LTA: variants seen among roughly 807,000 people sequenced by gnomAD.
The protein encoded by LTA is lymphotoxin-alpha.
Under a neutral mutation model 15.1 loss-of-function variants are expected in LTA, and 6 were observed. The observed-to-expected ratio is 0.40, with a 90% CI of 0.22 to 0.78. LTA has a LOEUF of 0.78. LTA is among the 30% of genes least tolerant of loss of function. The probability of loss-of-function intolerance (pLI) is 0.38; values close to 1 mark genes in which losing one functional copy is unlikely to be tolerated. For missense variants in LTA, 173 were observed against 249.5 expected (o/e 0.69, Z 2.06); for synonymous variants, 87 against 107.3 (o/e 0.81, Z 1.17).
the LTA span, among the ~76,000 whole-genome samples, chr6:31,564,285 A>T: frequency 6.6e-6 from 1 of 151,536 alleles, no homozygotes; most frequent in Non-Finnish European, 1.5e-5. Flanking sequence ...TTTTATTTTT[A>T]TTTTTTTCCT....
chr6:31,564,305 A>T, the LTA span, among the ~76,000 whole-genome samples: 1 of 152,004 alleles, frequency 6.6e-6, no homozygotes, highest in Non-Finnish European at 1.5e-5. Context: ...TCTGAGACGA[A>T]GTCTCGCTCT....
At chr6:31,565,996 G>A in the LTA span, among the ~76,000 whole-genome samples, 1 of 152,146 alleles carries the variant, frequency 6.6e-6, no homozygotes, top group East Asian at 1.9e-4. Context: ...TGCCCAACAT[G>A]ATGAAACCCT....
chr6:31,561,174 A>G, the LTA span, among the ~76,000 whole-genome samples: 11,799 of 152,252 alleles, frequency 0.077, 624 homozygotes, highest in Middle Eastern at 0.12. Flanking sequence ...GTGAGGGAAC[A>G]TGTGATGAAG....
the LTA span, among the ~76,000 whole-genome samples, chr6:31,566,501 A>G: frequency 1.3e-5 from 2 of 151,916 alleles, no homozygotes; most frequent in Non-Finnish European, 2.9e-5. Context: ...TTAGCCAGGC[A>G]TGGTGACATG....
chr6:31,573,805 AC>A lies in LTA; in HGVS notation c.*113del. 8.0e-7 allele frequency: 1 copy of A among 1,249,970 alleles called. No individual in the cohort carries two copies. The highest frequency in any genetic ancestry group is 1.2e-6 in the Non-Finnish European group (1 of 867,678). The allele number at this position is 1,249,970 out of a possible 1,614,324, so 77.4% of individuals were successfully genotyped here. On this transcript the variant is annotated 3_prime_UTR_variant, in exon 4 of 4. Transcript: ENST00000418386. ...CACCACCTCTCCTTTGGCCATTCCA[AC>A]AGCTCAAGTCTTCCCTGATCAAGTC...
At chr6:31,572,692 G>A (rs367844943) in intron 1 of LTA, 42 bp from the exon 2 acceptor site, 110 of 1,472,244 alleles carry the variant, frequency 7.5e-5, no homozygotes, top group African/African-American at 2.8e-4. Context: ...CGCGTGCCCC[G>A]CCCCGCTCAC....
At chr6:31,562,431 G>T in the LTA span, among the ~76,000 whole-genome samples, 4 of 152,102 alleles carry the variant, frequency 2.6e-5, no homozygotes, top group Non-Finnish European at 5.9e-5. Flanking sequence ...GTTCGTTAAG[G>T]GGGCTAGTCT....
chr6:31,561,507 A>T, the LTA span, among the ~76,000 whole-genome samples: 1 of 152,082 alleles, frequency 6.6e-6, no homozygotes, highest in Non-Finnish European at 1.5e-5. Flanking sequence ...CCTGGCCAAC[A>T]TGGTGAAACC....
chr6:31,567,537 T>C (rs1206582215), upstream of LTA, among the ~76,000 whole-genome samples: 1 of 151,520 alleles, frequency 6.6e-6, no homozygotes, highest in East Asian at 1.9e-4. Context: ...CACTCCAGCC[T>C]AGGCCACAGA....
chr6:31,568,520 G>A (rs532113098), upstream of LTA, among the ~76,000 whole-genome samples: 1 of 152,296 alleles, frequency 6.6e-6, no homozygotes, highest in South Asian at 2.1e-4. The surrounding 1 kb of genome is among the most constrained non-coding windows in gnomAD (Gnocchi z 4.1). Flanking sequence ...TAGGGTTGAT[G>A]TTGGTATTAA....
the LTA span, among the ~76,000 whole-genome samples, chr6:31,563,906 C>T: frequency 2.0e-5 from 3 of 152,206 alleles, no homozygotes; most frequent in East Asian, 3.9e-4. Context: ...CGGTGCCCGG[C>T]GGTAAGAGAT....
upstream of LTA, among the ~76,000 whole-genome samples, chr6:31,567,667 C>T (rs1562469873): frequency 3.5e-5 from 4 of 114,684 alleles, no homozygotes; most frequent in South Asian, 3.0e-4. Flanking sequence ...CACACACACA[C>T]ACACACACAC....
upstream of LTA, among the ~76,000 whole-genome samples, chr6:31,571,303 G>T (rs61761347): frequency 2.6e-5 from 4 of 151,966 alleles, no homozygotes; most frequent in Non-Finnish European, 5.9e-5. Flanking sequence ...CAAGTAATCC[G>T]CCCACCTCAG....
At chr6:31,566,288 G>C in the LTA span, among the ~76,000 whole-genome samples, 3 of 152,080 alleles carry the variant, frequency 2.0e-5, no homozygotes, top group Admixed American at 6.5e-5. Flanking sequence ...AGGCTGCAGT[G>C]AGCTATGATG....
intron 1 of LTA, 115 bp downstream of exon 1, chr6:31,572,561 C>T (rs916895699): frequency 3.3e-6 from 2 of 602,806 alleles, no homozygotes; most frequent in Non-Finnish European, 5.9e-6. Context: ...CTTCCTGTCT[C>T]TCTCTGTCTC....
At chr6:31,563,816 C>T in the LTA span, among the ~76,000 whole-genome samples, 2 of 152,106 alleles carry the variant, frequency 1.3e-5, no homozygotes, top group Non-Finnish European at 1.5e-5. Flanking sequence ...CCACATTGGC[C>T]GGGCTGGTCT....
upstream of LTA, among the ~76,000 whole-genome samples, chr6:31,567,061 T>G (rs1429535031): frequency 6.6e-6 from 1 of 151,772 alleles, no homozygotes; most frequent in Non-Finnish European, 1.5e-5. Flanking sequence ...TTTGGGAGGC[T>G]GAGGCAGGCG....
chr6:31,573,241 C>T, intron 3 of LTA, 40 bp from the exon 4 acceptor site: 1 of 1,573,126 alleles, frequency 6.4e-7, no homozygotes, highest in Non-Finnish European at 8.7e-7. Context: ...CTGATCCAGA[C>T]CCCTGATCTC....
In LTA at chr6:31,572,365, G is replaced by A. The variant is rs3093546; in HGVS notation, c.-91G>A. On this transcript the variant is annotated 5_prime_UTR_variant, in exon 1 of 4. Coordinates refer to ENST00000418386, the MANE Select transcript of LTA (RefSeq NM_000595.4). ...GCTTCGTGCTTTGGACTACCGCCCA[G>A]CAGTGTCCTGCCCTCTGCCTGGGCC... The A allele has an allele frequency of 0.033, 11,901 of 361,008 alleles. 290 individuals carry two copies. The highest frequency in any genetic ancestry group is 0.045 in the Non-Finnish European group (8,839 of 196,946). The allele number at this position is 361,008 out of a possible 1,614,324, so 22.4% of individuals were successfully genotyped here. A position where few individuals can be genotyped will look rare whatever the true frequency, so the allele number is the denominator to read the frequency against.
Sources: allele counts gnomAD v4.1 joint callset (sites outside exome capture counted in the v4.1 genomes callset), GRCh38; gene constraint gnomAD v4.1.1; non-coding constraint Gnocchi (gnomAD v3.1); transcripts MANE v1.5; gene names NCBI Gene and HGNC (gene_info 2026-07-23, HGNC 2026-07-21).